DAB1: variants seen among roughly 807,000 people sequenced by gnomAD.
DAB1 encodes the protein disabled homolog 1.
In DAB1, 15 loss-of-function variants were observed where a neutral mutation model predicts 64.6. The ratio of observed to expected loss-of-function variants is 0.23; its 90% confidence interval spans 0.16 to 0.36. DAB1 has a LOEUF of 0.36. Ranked by LOEUF, DAB1 falls within the 10% of genes least tolerant of loss-of-function variation. The pLI, the probability that DAB1 is intolerant of heterozygous loss-of-function variation, is 1.00. For synonymous variants in DAB1, 235 were observed against 251.9 expected (o/e 0.93, Z 0.64); for missense variants, 596 against 706.7 (o/e 0.84, Z 1.78).
chr1:57,593,725 T>C (rs1524730), intron 7 of DAB1, among the ~76,000 whole-genome samples: 1,537 of 152,248 alleles, frequency 0.01, 20 homozygotes, highest in African/African-American at 0.035. Context: ...ATCATCAGGA[T>C]TTTAAAAAAA....
chr1:57,477,374 C>T (rs910528654), intron 7 of DAB1, among the ~76,000 whole-genome samples: 6 of 152,170 alleles, frequency 3.9e-5, no homozygotes, highest in African/African-American at 1.4e-4. Context: ...TATCCCACCC[C>T]ACCCCATTCT....
At chr1:57,716,947 G>A (rs1476945401) in intron 6 of DAB1, among the ~76,000 whole-genome samples, 1 of 152,044 alleles carries the variant, frequency 6.6e-6, no homozygotes, top group Non-Finnish European at 1.5e-5. Context: ...TCCAAAAGAA[G>A]ACATACAAAT....
chr1:58,346,348 C>T (rs1373362058), intron 3 of DAB1, among the ~76,000 whole-genome samples: 4 of 152,176 alleles, frequency 2.6e-5, no homozygotes, highest in African/African-American at 9.7e-5. Context: ...GTATTTGCAA[C>T]GGTGATGTGT....
intron 4 of DAB1, among the ~76,000 whole-genome samples, chr1:57,092,178 G>A (rs1653745066): frequency 1.3e-5 from 2 of 152,136 alleles, no homozygotes; most frequent in African/African-American, 4.8e-5. Context: ...TTGTATATAC[G>A]TATTTGCTCA....
intron 7 of DAB1, among the ~76,000 whole-genome samples, chr1:57,632,128 A>T (rs1341778211): frequency 1.3e-5 from 2 of 152,236 alleles, no homozygotes; most frequent in Non-Finnish European, 2.9e-5. Context: ...AACTACTTTA[A>T]GAATTAAATA....
At chr1:57,072,195 A>G (rs1447324171) in intron 5 of DAB1, 88 bp downstream of exon 5, 1 of 1,414,006 alleles carries the variant, frequency 7.1e-7, no homozygotes, top group African/African-American at 1.4e-5. Flanking sequence ...GTCATATCTG[A>G]GAGTGGGCCC....
intron 7 of DAB1, among the ~76,000 whole-genome samples, chr1:57,611,194 C>G (rs1418820346): frequency 1.4e-5 from 2 of 145,228 alleles, no homozygotes; most frequent in African/African-American, 5.2e-5. Context: ...CAAACTCAGG[C>G]ACCCGGCATA....
intron 6 of DAB1, among the ~76,000 whole-genome samples, chr1:57,783,905 CCTT>C (rs1290535879): frequency 1.1e-4 from 16 of 152,136 alleles, no homozygotes; most frequent in African/African-American, 3.6e-4. Context: ...CAATCTCTCT[CCTT>C]CTCTTCAGGC....
intron 2 of DAB1, among the ~76,000 whole-genome samples, chr1:57,154,905 A>T (rs951728541): frequency 1.3e-5 from 2 of 152,200 alleles, no homozygotes; most frequent in South Asian, 4.1e-4. Context: ...ATTTTTTCCT[A>T]TGGAGTTGTT....
intron 1 of DAB1, among the ~76,000 whole-genome samples, chr1:57,852,651 CCAGGTCAACCCT>C (rs1406893341): frequency 6.6e-6 from 1 of 152,058 alleles, no homozygotes; most frequent in Non-Finnish European, 1.5e-5. Context: ...GCCCAGGAAT[CCAGGTCAACCCT>C]CAGTCCCAGA....
chr1:58,334,471 T>C (rs1443641878), intron 4 of DAB1, among the ~76,000 whole-genome samples: 7 of 151,796 alleles, frequency 4.6e-5, no homozygotes, highest in Admixed American at 4.6e-4. Flanking sequence ...TCATAACTCG[T>C]TTTCTCATTT....
At chr1:58,027,067 C>T (rs1467553559) in intron 5 of DAB1, among the ~76,000 whole-genome samples, 2 of 152,194 alleles carry the variant, frequency 1.3e-5, no homozygotes, top group Admixed American at 6.5e-5. Flanking sequence ...AAAACCACTG[C>T]CCTGTGACAA....
intron 4 of DAB1, among the ~76,000 whole-genome samples, chr1:57,085,173 G>C (rs1409058378): frequency 6.6e-6 from 1 of 152,174 alleles, no homozygotes; most frequent in African/African-American, 2.4e-5. Context: ...CTTGTCTAAT[G>C]TTTCATCAAT....
chr1:57,063,116 T>A (rs988574560), intron 8 of DAB1, among the ~76,000 whole-genome samples, 173 bp from the exon 9 acceptor site: 3 of 152,018 alleles, frequency 2.0e-5, no homozygotes, highest in Admixed American at 2.0e-4. Context: ...CTCCCTCCCT[T>A]AGGAGCATCA....
intron 7 of DAB1, among the ~76,000 whole-genome samples, chr1:57,585,695 A>G (rs1274918501): frequency 6.6e-6 from 1 of 152,140 alleles, no homozygotes; most frequent in Non-Finnish European, 1.5e-5. Context: ...CTGAGACTCT[A>G]TGATCAATTC....
chr1:58,088,718 C>T (rs538733539), intron 5 of DAB1, among the ~76,000 whole-genome samples: 2 of 152,250 alleles, frequency 1.3e-5, no homozygotes, highest in African/African-American at 4.8e-5. Flanking sequence ...TCCTGCATAC[C>T]ATCCAAGCAC....
At chr1:57,905,319 G>A (rs1289203880) in intron 5 of DAB1, among the ~76,000 whole-genome samples, 2 of 151,940 alleles carry the variant, frequency 1.3e-5, no homozygotes, top group Admixed American at 6.6e-5. Context: ...GCAAGGAAAG[G>A]GTATCACAGC....
chr1:57,668,191 T>C (rs1159445150), intron 6 of DAB1, among the ~76,000 whole-genome samples: 1 of 152,146 alleles, frequency 6.6e-6, no homozygotes, highest in Admixed American at 6.6e-5. Context: ...CATTTCACTT[T>C]AACCACTACA....
intron 5 of DAB1, among the ~76,000 whole-genome samples, chr1:57,977,200 C>T (rs963492656): frequency 2.0e-5 from 3 of 152,168 alleles, no homozygotes; most frequent in Admixed American, 1.3e-4. Context: ...AACAAACCCA[C>T]TCCTGCCCAC....
Sources: gnomAD v4.1 joint callset for allele counts (sites outside exome capture counted in the v4.1 genomes callset) on GRCh38, gnomAD v4.1.1 for gene constraint, MANE v1.5 for transcripts, NCBI Gene and HGNC (gene_info 2026-07-23, HGNC 2026-07-21) for gene names.